Variants in PPP1R1C observed in about 807,000 individuals in gnomAD.
PPP1R1C encodes protein phosphatase 1 regulatory subunit 1C.
A neutral mutation model predicts 17.4 loss-of-function variants in PPP1R1C; 15 were observed. The observed-to-expected ratio is 0.86, with a 90% CI of 0.58 to 1.33. The LOEUF (loss-of-function observed/expected upper bound fraction) is 1.33. PPP1R1C is among the 40% of genes most tolerant of loss of function. The probability of loss-of-function intolerance (pLI) is 0.00; values close to 1 mark genes in which losing one functional copy is unlikely to be tolerated. For synonymous variants in PPP1R1C, 35 were observed against 43.1 expected (o/e 0.81, Z 0.73); for missense variants, 143 against 130.0 (o/e 1.10, Z -0.48).
chr2:182,089,854 G>C (rs960037753), intron 4 of PPP1R1C, among the ~76,000 whole-genome samples: 1 of 151,616 alleles, frequency 6.6e-6, no homozygotes, highest in East Asian at 1.9e-4. Flanking sequence ...TTGTTCTCCA[G>C]GTAAATAAGC....
intron 2 of PPP1R1C, among the ~76,000 whole-genome samples, chr2:182,025,118 A>C (rs1241613484): frequency 1.3e-5 from 2 of 150,172 alleles, no homozygotes; most frequent in African/African-American, 4.9e-5. Flanking sequence ...TAAGGCAATT[A>C]TTGACTTAAA....
chr2:182,032,049 A>G (rs1266913710), intron 2 of PPP1R1C, among the ~76,000 whole-genome samples: 3 of 152,188 alleles, frequency 2.0e-5, no homozygotes, highest in Non-Finnish European at 4.4e-5. Flanking sequence ...TTGCATTGGT[A>G]GAAGGTAACT....
At chr2:181,960,102 G>T (rs1000268984) in intron 1 of PPP1R1C, among the ~76,000 whole-genome samples, 1 of 152,040 alleles carries the variant, frequency 6.6e-6, no homozygotes, top group African/African-American at 2.4e-5. Context: ...ATCTGCCCTC[G>T]ATCCTTATCA....
intron 2 of PPP1R1C, among the ~76,000 whole-genome samples, chr2:182,013,330 C>G (rs1686148389): frequency 6.6e-6 from 1 of 152,040 alleles, no homozygotes; most frequent in Non-Finnish European, 1.5e-5. Flanking sequence ...TTTTTTCCCC[C>G]TTCATCACTT....
At chr2:182,108,379 T>C (rs1288573312) in intron 4 of PPP1R1C, among the ~76,000 whole-genome samples, 1 of 152,136 alleles carries the variant, frequency 6.6e-6, no homozygotes, top group African/African-American at 2.4e-5. Flanking sequence ...TTCTGTGCCA[T>C]CCTGTTCTCT....
In PPP1R1C at chr2:181,977,615, T is replaced by A. The variant is rs62192109; in HGVS notation, n.157+2351T>A. 7.9e-3 allele frequency among the ~76,000 whole-genome samples: 1,209 copies of A among 152,296 alleles called. 4 individuals are homozygous for A. Among genetic ancestry groups the A allele is most frequent in the Non-Finnish European group, 0.012 (821 of 68,024 alleles). ...AAACTGTAAGAATAATACTAATGATTTTTAAAGTGCCTAACAGGACACTTT... is the reference window on the plus strand; with the variant it reads ...AAACTGTAAGAATAATACTAATGATATTTAAAGTGCCTAACAGGACACTTT... On this transcript the variant is annotated intron_variant and non_coding_transcript_variant, in intron 2 of 5. Coordinates refer to the PPP1R1C transcript ENST00000464264.
At chr2:182,002,169 A>G (rs1685785427) in intron 2 of PPP1R1C, among the ~76,000 whole-genome samples, 1 of 147,960 alleles carries the variant, frequency 6.8e-6, no homozygotes, top group East Asian at 2.0e-4. Context: ...TTCCTGACAT[A>G]CTACAACCCA....
At chr2:181,987,082 T>A (rs180685752) in intron 1 of PPP1R1C, among the ~76,000 whole-genome samples, 25 of 152,206 alleles carry the variant, frequency 1.6e-4, no homozygotes, top group Non-Finnish European at 2.8e-4. Context: ...CTTGAACATG[T>A]GTCTATCCAT....
chr2:181,986,718 G>A (rs1380486718), intron 1 of PPP1R1C, among the ~76,000 whole-genome samples: 2 of 152,080 alleles, frequency 1.3e-5, no homozygotes, highest in African/African-American at 4.8e-5. Flanking sequence ...TTTTTGTACA[G>A]TTTTAAAATC....
At chr2:181,956,707 C>A (rs1164218799) in intron 1 of PPP1R1C, among the ~76,000 whole-genome samples, 1 of 152,114 alleles carries the variant, frequency 6.6e-6, no homozygotes, top group African/African-American at 2.4e-5. Flanking sequence ...TGAAAAGTAT[C>A]TGTTCATATC....
intron 2 of PPP1R1C, among the ~76,000 whole-genome samples, chr2:181,992,616 A>C (rs925445950): frequency 7.4e-6 from 1 of 135,100 alleles, no homozygotes; most frequent in South Asian, 2.5e-4. Flanking sequence ...GATTTGGGTA[A>C]GTACCCAGGA....
At chr2:182,040,116 T>C (rs980980604) in intron 2 of PPP1R1C, among the ~76,000 whole-genome samples, 5 of 152,206 alleles carry the variant, frequency 3.3e-5, no homozygotes, top group African/African-American at 1.2e-4. Flanking sequence ...AATAAACATA[T>C]GCATGTGGGT....
chr2:182,030,051 T>C (rs1371378999), intron 2 of PPP1R1C, among the ~76,000 whole-genome samples: 19 of 120,300 alleles, frequency 1.6e-4, no homozygotes, highest in African/African-American at 5.9e-4. Flanking sequence ...CGAGCCTTGG[T>C]TTTCAGCTCC....
intron 3 of PPP1R1C, among the ~76,000 whole-genome samples, chr2:182,063,457 A>T (rs1559077725): frequency 6.6e-6 from 1 of 152,094 alleles, no homozygotes; most frequent in Non-Finnish European, 1.5e-5. Flanking sequence ...TTTAAAATAA[A>T]TTAATGTTAT....
intron 2 of PPP1R1C, among the ~76,000 whole-genome samples, chr2:181,999,860 C>A (rs2125148402): frequency 6.6e-6 from 1 of 151,430 alleles, no homozygotes; most frequent in Admixed American, 6.6e-5. Context: ...GTTTTTTATT[C>A]ATCTCTGTTT....
chr2:182,047,033 T>C (rs538490257), intron 2 of PPP1R1C, among the ~76,000 whole-genome samples: 1 of 152,316 alleles, frequency 6.6e-6, no homozygotes, highest in East Asian at 1.9e-4. Flanking sequence ...CAGCTAATTC[T>C]ATTCTAATTC....
At chr2:181,983,746 T>C (rs1332890212), upstream of PPP1R1C, among the ~76,000 whole-genome samples, 1 of 152,148 alleles carries the variant, frequency 6.6e-6, no homozygotes, top group Non-Finnish European at 1.5e-5. Flanking sequence ...AAAAGACATG[T>C]AGGTAGTTAT....
chr2:182,071,720 C>T lies in PPP1R1C; in HGVS notation c.241+7929C>T, dbSNP rs1006021866. On this transcript the variant is annotated intron_variant, in intron 4 of 4. Transcript: ENST00000682840. ...ATTGATTTATCTGTTCATTTATTTT[C>T]ATCATTATGGACACATGGATATTCA... 7.9e-5 allele frequency among the ~76,000 whole-genome samples: 12 copies of T among 152,256 alleles called. No homozygotes were observed. In the East Asian group the frequency reaches 1.9e-3, roughly 24 times the overall value.
intron 2 of PPP1R1C, among the ~76,000 whole-genome samples, chr2:182,002,936 C>CCG (rs71790649): frequency 7.4e-6 from 1 of 135,520 alleles, no homozygotes; most frequent in Non-Finnish European, 1.6e-5. Context: ...AACCTCCCCC[C>CCG]CCCCACAACC....
Sources: allele counts gnomAD v4.1 joint callset (sites outside exome capture counted in the v4.1 genomes callset), GRCh38; gene constraint gnomAD v4.1.1; transcripts MANE v1.5; gene names NCBI Gene and HGNC (gene_info 2026-07-23, HGNC 2026-07-21).